The following ATP9B variants were observed in gnomAD, a reference collection of about 807,000 sequenced individuals.
The protein encoded by ATP9B is ATPase phospholipid transporting 9B.
ATP9B carries 110 observed loss-of-function variants against 146.1 expected under a neutral mutation model. That is an observed-to-expected ratio of 0.75 (90% CI 0.65 to 0.88). The LOEUF (loss-of-function observed/expected upper bound fraction) is 0.88. Among genes scored for constraint, ATP9B ranks in the 40% least tolerant of loss-of-function variants. ATP9B has a pLI of 0.00. For synonymous variants in ATP9B, 604 were observed against 569.7 expected, an observed-to-expected ratio of 1.06 and a Z score of -0.86; for missense variants, 1,499 against 1,496.4, an observed-to-expected ratio of 1.00 and a Z score of -0.03.
intron 15 of ATP9B, among the ~76,000 whole-genome samples, chr18:79,310,264 CG>C (rs1264688554): frequency 1.3e-5 from 2 of 152,200 alleles, no homozygotes; most frequent in Non-Finnish European, 2.9e-5. Flanking sequence ...ATGCACAGTA[CG>C]GGGCTTGCAG....
intron 7 of ATP9B, among the ~76,000 whole-genome samples, chr18:79,164,705 C>T (rs1218763162): frequency 3.3e-5 from 5 of 151,902 alleles, no homozygotes; most frequent in East Asian, 1.9e-4. Flanking sequence ...GGTGACAGAG[C>T]GAGACTCCAT....
At position 79,239,355 on chromosome 18, in the gene ATP9B, C is replaced by A. The variant is rs767726794; in HGVS notation, c.1108-14026C>A. Among the ~76,000 whole-genome samples the A allele has an allele frequency of 1.3e-5, 2 of 152,202 alleles. No homozygotes were observed. Among genetic ancestry groups the A allele is most frequent in the Non-Finnish European group, 2.9e-5 (2 of 68,036 alleles). ...AGAGAGGTTGGGAATTTACAACAAACCAAATTAAATGATGGTGTTTCTTGC... is the reference window on the plus strand; with the variant it reads ...AGAGAGGTTGGGAATTTACAACAAAACAAATTAAATGATGGTGTTTCTTGC... On this transcript the variant is annotated intron_variant, in intron 11 of 29. Coordinates refer to ENST00000426216, the MANE Select transcript of ATP9B (RefSeq NM_198531.5). The surrounding 1 kb of genome is among the most constrained non-coding windows in gnomAD (Gnocchi z 5.1).
At chr18:79,069,581 C>A in intron 1 of ATP9B, 52 bp downstream of exon 1, 1 of 1,159,922 alleles carries the variant, frequency 8.6e-7, no homozygotes, top group South Asian at 2.6e-5. Flanking sequence ...CCGGGGCCCC[C>A]AGCCCACCGC....
rs1568738915 is a variant in ATP9B, at chr18:79,337,309, C to T, written c.2143C>T (p.His715Tyr). The T allele has an allele frequency of 2.5e-6, 4 of 1,614,076 alleles. No individual in the cohort carries two copies. Among genetic ancestry groups the T allele is most frequent in the Non-Finnish European group, 3.4e-6 (4 of 1,180,026 alleles). ...SRYTQAKLSM[H>Y]DRSLKVAAVV... ...ATACACTCAAGCCAAGCTGAGCATG[C>T]ACGACAGGTCCCTCAAGGTGGCCGC... Residue 715 changes from histidine to tyrosine, a missense_variant, in exon 19 of 30, where the codon CAC becomes TAC. Coordinates refer to ENST00000426216, the MANE Select transcript of ATP9B (RefSeq NM_198531.5).
chr18:79,234,545 ATGCTTGCTGCGGGCGTGCTGCTGTGGGCT>A (rs1568460265), intron 11 of ATP9B, among the ~76,000 whole-genome samples: 2 of 151,944 alleles, frequency 1.3e-5, no homozygotes, highest in African/African-American at 2.4e-5. Context: ...ACTACAGGGC[ATGCTTGCTGCGGGCGTGCTGCTGTGGGCT>A]TGCTTGCTGT....
chr18:79,216,903 A>G (rs549610504), intron 11 of ATP9B, among the ~76,000 whole-genome samples: 1 of 152,332 alleles, frequency 6.6e-6, no homozygotes, highest in Admixed American at 6.5e-5. Context: ...CCTGGTGATT[A>G]ATACATGCTG....
rs550904744 is a variant in ATP9B at position 79,284,352 on chromosome 18, T to C, written c.1411+7156T>C. ...AGTGCTGTAATTAACATTTTGGGGG[T>C]GTTTGGGCCAGTTGAGATATTAACA... is the stretch of plus-strand genomic sequence containing the variant. On this transcript the variant is annotated intron_variant, in intron 13 of 29. Coordinates refer to ENST00000426216, the MANE Select transcript of ATP9B (RefSeq NM_198531.5). Among the ~76,000 whole-genome samples, 349 of 152,186 alleles carry C rather than the reference T, an allele frequency of 2.3e-3. 1 individual carries two copies. Among genetic ancestry groups the C allele is most frequent in the African/African-American group, 7.7e-3 (320 of 41,510 alleles).
intron 13 of ATP9B, among the ~76,000 whole-genome samples, chr18:79,302,789 A>C (rs1024510684): frequency 6.6e-6 from 1 of 152,288 alleles, no homozygotes; most frequent in Admixed American, 6.5e-5. Context: ...GGACACACAT[A>C]CATGCTAAGG....
chr18:79,117,836 T>G (rs1158444641), intron 4 of ATP9B: 2 of 152,240 alleles, frequency 1.3e-5, no homozygotes, highest in Non-Finnish European at 2.9e-5. Flanking sequence ...CAGTAACCTA[T>G]TCTGAATGTG....
At chr18:79,328,857 C>G (rs1298099338) in intron 15 of ATP9B, among the ~76,000 whole-genome samples, 1 of 152,098 alleles carries the variant, frequency 6.6e-6, no homozygotes, top group Non-Finnish European at 1.5e-5. Context: ...CCATCTGGCT[C>G]TAGGGAGCAA....
chr18:79,377,655 G>A lies in ATP9B; in HGVS notation c.*272G>A, dbSNP rs1400646184. On this transcript the variant is annotated 3_prime_UTR_variant, in exon 30 of 30. Transcript: ENST00000426216. Reference sequence around the variant, plus strand: ...CTTCACCCCTGCCAGGCAAGCCCAGGGCATAGATGCTGAGACAGCCTCTCC... The same window carrying A: ...CTTCACCCCTGCCAGGCAAGCCCAGAGCATAGATGCTGAGACAGCCTCTCC... The A allele has an allele frequency of 8.5e-5, 41 of 484,862 alleles. No homozygotes were observed. The East Asian group carries it at 1.4e-3, about 17-fold the overall frequency. The allele number at this position is 484,862 out of a possible 1,614,324, so 30.0% of individuals were successfully genotyped here.
Position 79,087,451 on chromosome 18 carries a change from G to A in ATP9B, c.120-9025G>A, listed in dbSNP as rs575537823. 4 of 152,322 alleles carry A rather than the reference G, an allele frequency of 2.6e-5. No individual in the cohort carries two copies. The East Asian group carries it at 7.7e-4, about 29-fold the overall frequency. 9.4% of individuals were successfully genotyped at this position (152,322 alleles called of 1,614,324 possible). A position where few individuals can be genotyped will look rare whatever the true frequency, so the allele number is the denominator to read the frequency against. On this transcript the variant is annotated intron_variant, in intron 1 of 29. Coordinates refer to ENST00000426216, the MANE Select transcript of ATP9B (RefSeq NM_198531.5). ...GACTTATCAATGACAGTTGAAACTT[G>A]TAGTTGTATTTGATGAAGGAAATAT...
intron 7 of ATP9B, among the ~76,000 whole-genome samples, chr18:79,165,564 C>G (rs1025962875): frequency 5.9e-5 from 9 of 152,208 alleles, no homozygotes; most frequent in African/African-American, 2.2e-4. Flanking sequence ...CTTACTTGTT[C>G]AGTTATTTAC....
At chr18:79,307,288 G>A (rs577936327) in intron 15 of ATP9B, 54 bp downstream of exon 15, 2 of 1,606,918 alleles carry the variant, frequency 1.2e-6, no homozygotes, top group South Asian at 2.2e-5. Flanking sequence ...GGACTCCAGA[G>A]TCATGAGGAT....
chr18:79,106,304 G>T (rs1015950608), intron 2 of ATP9B, among the ~76,000 whole-genome samples: 2 of 152,126 alleles, frequency 1.3e-5, no homozygotes, highest in Non-Finnish European at 2.9e-5. Flanking sequence ...TGCAATATTT[G>T]CCAGTATGCT....
intron 2 of ATP9B, among the ~76,000 whole-genome samples, chr18:79,107,200 C>T (rs770330699): frequency 2.6e-4 from 40 of 152,240 alleles, no homozygotes; most frequent in Non-Finnish European, 5.3e-4. Context: ...GCAATGTGCT[C>T]TGTTGATGCC....
chr18:79,371,888 ACTT>A (rs1441239703), intron 26 of ATP9B, among the ~76,000 whole-genome samples: 1 of 152,200 alleles, frequency 6.6e-6, no homozygotes, highest in Non-Finnish European at 1.5e-5. Flanking sequence ...AGCAGACTAC[ACTT>A]CTTAGCACCA....
chr18:79,146,631 T>A (rs2094594764), intron 6 of ATP9B: 1 of 271,608 alleles, frequency 3.7e-6, no homozygotes, highest in African/African-American at 2.3e-5. Flanking sequence ...GTGTGCAGAG[T>A]GACTGAAGGT....
At chr18:79,077,948 G>A (rs1029788218) in intron 1 of ATP9B, 5 of 152,122 alleles carry the variant, frequency 3.3e-5, no homozygotes, top group South Asian at 2.1e-4. Context: ...AAGCCGGTTC[G>A]ATCTTTAAAC....
Sources: allele counts gnomAD v4.1 joint callset (sites outside exome capture counted in the v4.1 genomes callset), GRCh38; gene constraint gnomAD v4.1.1; non-coding constraint Gnocchi (gnomAD v3.1); transcripts MANE v1.5; gene names NCBI Gene and HGNC (gene_info 2026-07-23, HGNC 2026-07-21).